MACROD2: variants seen among roughly 807,000 people sequenced by gnomAD.
MACROD2 encodes the protein ADP-ribose glycohydrolase MACROD2.
Under a neutral mutation model 70.4 loss-of-function variants are expected in MACROD2, and 36 were observed. The observed-to-expected ratio is 0.51, with a 90% CI of 0.39 to 0.68. The LOEUF is 0.68. MACROD2 is among the 30% of genes least tolerant of loss of function. The probability of loss-of-function intolerance (pLI) is 0.00; values close to 1 mark genes in which losing one functional copy is unlikely to be tolerated. For synonymous variants in MACROD2, 172 were observed against 178.8 expected, an observed-to-expected ratio of 0.96 and a Z score of 0.30; for missense variants, 496 against 538.4, an observed-to-expected ratio of 0.92 and a Z score of 0.78.
chr20:15,982,657 G>C (rs763442595), intron 13 of MACROD2, among the ~76,000 whole-genome samples: 32 of 152,162 alleles, frequency 2.1e-4, no homozygotes, highest in Admixed American at 3.9e-4. Context: ...GTTAAACTGG[G>C]CTCTCTGATA....
intron 6 of MACROD2, among the ~76,000 whole-genome samples, chr20:15,320,844 T>A (rs944597622): frequency 1.3e-5 from 2 of 152,154 alleles, no homozygotes; most frequent in African/African-American, 4.8e-5. Flanking sequence ...ATGGAATACA[T>A]CACTTCTTTT....
intron 4 of MACROD2, among the ~76,000 whole-genome samples, chr20:14,557,838 T>C (rs1979144271): frequency 1.3e-5 from 2 of 151,836 alleles, no homozygotes; most frequent in Admixed American, 1.3e-4. Flanking sequence ...TTGTTAAACA[T>C]AGAATTACTA....
At chr20:15,568,533 C>G (rs2048337949) in intron 8 of MACROD2, among the ~76,000 whole-genome samples, 1 of 152,174 alleles carries the variant, frequency 6.6e-6, no homozygotes, top group Non-Finnish European at 1.5e-5. Context: ...AACATAGGGC[C>G]TCTAGGGACT....
At chr20:14,565,380 C>G (rs887801619) in intron 4 of MACROD2, among the ~76,000 whole-genome samples, 1 of 151,718 alleles carries the variant, frequency 6.6e-6, no homozygotes, top group African/African-American at 2.4e-5. Flanking sequence ...AAACGTAACA[C>G]TTTCATCACC....
At chr20:14,447,360 C>A (rs892619553) in intron 3 of MACROD2, among the ~76,000 whole-genome samples, 1 of 152,104 alleles carries the variant, frequency 6.6e-6, no homozygotes, top group Admixed American at 6.5e-5. Flanking sequence ...TGGATTTCAT[C>A]CCCCAACAAG....
chr20:15,152,159 C>T (rs139351366), intron 5 of MACROD2, among the ~76,000 whole-genome samples: 2,668 of 151,976 alleles, frequency 0.018, 105 homozygotes, highest in African/African-American at 0.061. Context: ...TGCCGTTTTC[C>T]GGCTATTTGG....
At chr20:14,083,020 A>G (rs1332322081) in intron 2 of MACROD2, among the ~76,000 whole-genome samples, 2 of 151,954 alleles carry the variant, frequency 1.3e-5, no homozygotes, top group African/African-American at 2.4e-5. Context: ...ATAGTAATAA[A>G]TATGATATTT....
At chr20:14,786,952 C>T (rs866091845) in intron 5 of MACROD2, among the ~76,000 whole-genome samples, 1 of 152,052 alleles carries the variant, frequency 6.6e-6, no homozygotes, top group Non-Finnish European at 1.5e-5. Context: ...AGAACAGCCA[C>T]CACTGGGAAA....
chr20:14,103,997 G>A (rs1041883201), intron 3 of MACROD2, among the ~76,000 whole-genome samples: 8 of 152,086 alleles, frequency 5.3e-5, no homozygotes, highest in Admixed American at 2.6e-4. Flanking sequence ...GGTACACACA[G>A]ACACACATAC....
intron 6 of MACROD2, among the ~76,000 whole-genome samples, chr20:15,323,161 G>A (rs1196846537): frequency 2.6e-5 from 4 of 152,188 alleles, no homozygotes; most frequent in Non-Finnish European, 5.9e-5. Context: ...GTAATTGGCA[G>A]ATTGCCCCCT....
chr20:15,793,531 T>C (rs1343347598), intron 8 of MACROD2, among the ~76,000 whole-genome samples: 1 of 152,270 alleles, frequency 6.6e-6, no homozygotes, highest in East Asian at 1.9e-4. Context: ...TAATTTTTTC[T>C]TTATACTTAA....
At chr20:14,004,057 G>A (rs565955500) in intron 2 of MACROD2, among the ~76,000 whole-genome samples, 13 of 152,114 alleles carry the variant, frequency 8.5e-5, no homozygotes, top group Non-Finnish European at 1.8e-4. Flanking sequence ...AAGTGTTTGG[G>A]GTTTTGGATT....
chr20:14,034,277 A>C (rs2053281957), intron 2 of MACROD2, among the ~76,000 whole-genome samples: 2 of 152,016 alleles, frequency 1.3e-5, no homozygotes, highest in Non-Finnish European at 2.9e-5. Context: ...TCCAGCCCCT[A>C]CTTCACCTAT....
chr20:15,559,425 T>G (rs1402290051), intron 8 of MACROD2, among the ~76,000 whole-genome samples: 2 of 152,176 alleles, frequency 1.3e-5, no homozygotes, highest in Non-Finnish European at 2.9e-5. Flanking sequence ...ATCATTGTTA[T>G]TTTTGAGTTT....
chr20:15,163,985 G>C (rs1191160716), intron 5 of MACROD2, among the ~76,000 whole-genome samples: 3 of 151,988 alleles, frequency 2.0e-5, no homozygotes, highest in African/African-American at 7.2e-5. Context: ...TCTACTGGGG[G>C]AGGCAGACAA....
intron 5 of MACROD2, among the ~76,000 whole-genome samples, chr20:15,014,828 TAA>T (rs1332553291): frequency 6.6e-6 from 1 of 152,146 alleles, no homozygotes; most frequent in African/African-American, 2.4e-5. Flanking sequence ...ATTCTATCGT[TAA>T]GACCTAAATT....
intron 5 of MACROD2, among the ~76,000 whole-genome samples, chr20:14,747,089 A>G (rs1055397288): frequency 1.3e-5 from 2 of 152,212 alleles, no homozygotes; most frequent in African/African-American, 4.8e-5. Flanking sequence ...GCTATCCAAC[A>G]AAACCAACAT....
At chr20:14,516,773 A>G (rs1401072738) in intron 4 of MACROD2, among the ~76,000 whole-genome samples, 1 of 152,052 alleles carries the variant, frequency 6.6e-6, no homozygotes, top group East Asian at 1.9e-4. Context: ...AATGGGAGAA[A>G]ATTTTTGAAA....
intron 3 of MACROD2, among the ~76,000 whole-genome samples, chr20:14,276,424 C>A (rs2082257098): frequency 7.6e-6 from 1 of 132,162 alleles, no homozygotes. Context: ...GGGAATTGAA[C>A]AATGAGAACA....
Sources: allele counts gnomAD v4.1 joint callset (sites outside exome capture counted in the v4.1 genomes callset), GRCh38; gene constraint gnomAD v4.1.1; transcripts MANE v1.5; gene names NCBI Gene and HGNC (gene_info 2026-07-23, HGNC 2026-07-21).